Variants in UHRF2 observed in about 807,000 individuals in gnomAD.
The protein encoded by UHRF2 is ubiquitin like with PHD and ring finger domains 2.
A neutral mutation model predicts 96.8 loss-of-function variants in UHRF2; 23 were observed. That is an observed-to-expected ratio of 0.24 (90% CI 0.17 to 0.34). The LOEUF is 0.34. UHRF2 is among the 10% of genes least tolerant of loss of function. The pLI is 1.00. For missense variants in UHRF2, 685 were observed against 981.5 expected, an observed-to-expected ratio of 0.70 and a Z score of 4.04; for synonymous variants, 385 against 332.6, an observed-to-expected ratio of 1.16 and a Z score of -1.72.
intron 3 of UHRF2, among the ~76,000 whole-genome samples, chr9:6,438,768 C>G (rs1820996005): frequency 6.6e-6 from 1 of 152,172 alleles, no homozygotes; most frequent in Admixed American, 6.5e-5. Flanking sequence ...ACCAGATTAT[C>G]AGTCTTTGAA....
chr9:6,430,346 G>A lies in UHRF2; in HGVS notation c.385-3568G>A, dbSNP rs540175057. ...TATATCTTTGATGTGAATGAATGCA[G>A]CTCTTAAGTGTAGAATTATGTGGTT... On this transcript the variant is annotated intron_variant, in intron 2 of 15. Transcript: ENST00000276893. Among the ~76,000 whole-genome samples, 7 of 152,272 alleles carry A rather than the reference G, an allele frequency of 4.6e-5. No individual in the cohort carries two copies. The East Asian group carries it at 1.3e-3, about 29-fold the overall frequency.
chr9:6,425,247 C>G (rs1403649277), intron 2 of UHRF2, among the ~76,000 whole-genome samples: 1 of 152,190 alleles, frequency 6.6e-6, no homozygotes, highest in Non-Finnish European at 1.5e-5. Flanking sequence ...TCAGTATGAA[C>G]TCATGATCAA....
At position 6,506,232 on chromosome 9, in the gene UHRF2, C is replaced by G. The variant is rs1383894020; in HGVS notation, c.*53C>G. 36 of 1,599,830 alleles carry G rather than the reference C, an allele frequency of 2.3e-5. No homozygotes were observed. Among genetic ancestry groups the G allele is most frequent in the Admixed American group, 3.4e-5 (2 of 58,864 alleles). On this transcript the variant is annotated 3_prime_UTR_variant, in exon 16 of 16. Coordinates refer to ENST00000276893, the MANE Select transcript of UHRF2 (RefSeq NM_152896.3). Reference sequence around the variant, plus strand: ...GGTGGCTTTTTGGACAATAAAGAATCTAAAATGGGTGGGGAGGGTGGAAGA... The same window carrying G: ...GGTGGCTTTTTGGACAATAAAGAATGTAAAATGGGTGGGGAGGGTGGAAGA...
chr9:6,482,831 C>T (rs1479495993), intron 8 of UHRF2, among the ~76,000 whole-genome samples: 2 of 152,170 alleles, frequency 1.3e-5, no homozygotes, highest in Admixed American at 6.5e-5. Context: ...CTCCTAACCT[C>T]GTGATCCACC....
intron 4 of UHRF2, among the ~76,000 whole-genome samples, chr9:6,470,082 C>T (rs1823149686): frequency 6.6e-6 from 1 of 152,098 alleles, no homozygotes; most frequent in Non-Finnish European, 1.5e-5. Context: ...AATTTAAAAA[C>T]ATTCCCAGCT....
In UHRF2 at chr9:6,421,008, T is replaced by G; in HGVS notation, c.250T>G (p.Ser84Ala). 1 of 1,614,164 alleles carries G rather than the reference T, an allele frequency of 6.2e-7. No individual in the cohort carries two copies. Among genetic ancestry groups the G allele is most frequent in the Non-Finnish European group, 8.5e-7 (1 of 1,180,018 alleles). ...RPDPDHLPGT[S>A]TQIEAKPCSN... is the part of the protein sequence containing the mutation. ...AGACCCTGATCATCTTCCTGGCACA[T>G]CTACACAGATTGAGGCTAAACCCTG... The change falls in exon 2 of 16, where the codon TCT becomes GCT. Residue 84 changes from serine to alanine, a missense_variant. Ser to Ala is a moderately conservative substitution (Grantham distance 99). This residue lies in a region of UHRF2 where 391 missense variants were observed against 437.0 expected (regional missense o/e 0.89). Transcript: ENST00000276893.
Position 6,428,533 on chromosome 9 carries a change from C to CTTTTTTTTTTT in UHRF2, c.385-5353_385-5343dup, listed in dbSNP as rs1171172143. Among the ~76,000 whole-genome samples the CTTTTTTTTTTT allele has an allele frequency of 5.5e-4, 36 of 65,420 alleles. 2 individuals are homozygous for CTTTTTTTTTTT. The highest frequency in any genetic ancestry group is 1.8e-3 in the East Asian group (3 of 1,670). The allele number at this position is 65,420 out of a possible 152,430, so 42.9% of individuals were successfully genotyped here. On this transcript the variant is annotated intron_variant, in intron 2 of 15. Transcript: ENST00000276893. ...TGTAAATGGAACCATATTGCTTTTG[C>CTTTTTTTTTTT]TTTTTTTTTTTTTTTTTTTTTTTTT...
At chr9:6,415,746 G>A (rs1400703485) in intron 1 of UHRF2, among the ~76,000 whole-genome samples, 1 of 152,128 alleles carries the variant, frequency 6.6e-6, no homozygotes, top group African/African-American at 2.4e-5. Context: ...TATCAGAATC[G>A]CTTGTGGATA....
rs1226013744 is a variant in UHRF2, at chr9:6,499,830, A to T, written c.1909-5A>T. 4 of 1,471,612 alleles carry T rather than the reference A, an allele frequency of 2.7e-6. No homozygotes were observed. In the African/African-American group the frequency reaches 4.6e-5, roughly 17 times the overall value. The allele number at this position is 1,471,612 out of a possible 1,614,324, so 91.2% of individuals were successfully genotyped here. A position where few individuals can be genotyped will look rare whatever the true frequency, so the allele number is the denominator to read the frequency against. ...ATTGTACTCTCCCTCCTCCCCCCCC[A>T]TCAGTATCCAGCAGGTTACCCTTCA... On this transcript the variant is annotated splice_region_variant and splice_polypyrimidine_tract_variant and intron_variant, in intron 12 of 15. Coordinates refer to ENST00000276893, the MANE Select transcript of UHRF2 (RefSeq NM_152896.3).
chr9:6,486,271 C>G (rs1253520646), intron 8 of UHRF2, among the ~76,000 whole-genome samples: 1 of 152,194 alleles, frequency 6.6e-6, no homozygotes, highest in Non-Finnish European at 1.5e-5. Flanking sequence ...ATGACTCAAA[C>G]TACGATTGAA....
rs1171172143 is a variant in UHRF2 at position 6,428,533 on chromosome 9, C to CTTTTTTTTTTTTTTTTTTTTTTTTT, written c.385-5367_385-5343dup. The stretch of plus-strand genomic sequence containing the variant: ...TGTAAATGGAACCATATTGCTTTTG[C>CTTTTTTTTTTTTTTTTTTTTTTTTT]TTTTTTTTTTTTTTTTTTTTTTTTT... On this transcript the variant is annotated intron_variant, in intron 2 of 15. Transcript: ENST00000276893. 2.8e-4 allele frequency among the ~76,000 whole-genome samples: 18 copies of CTTTTTTTTTTTTTTTTTTTTTTTTT among 65,420 alleles called. 3 individuals are homozygous for CTTTTTTTTTTTTTTTTTTTTTTTTT. The highest frequency in any genetic ancestry group is 4.0e-4 in the African/African-American group (6 of 15,002). 42.9% of individuals were successfully genotyped at this position (65,420 alleles called of 152,430 possible). A position where few individuals can be genotyped will look rare whatever the true frequency, so the allele number is the denominator to read the frequency against.
intron 11 of UHRF2, among the ~76,000 whole-genome samples, chr9:6,497,659 A>G (rs989388311): frequency 1.3e-5 from 2 of 151,968 alleles, no homozygotes; most frequent in African/African-American, 2.4e-5. Flanking sequence ...TGATTTTTAT[A>G]TATCTTTTTG....
At chr9:6,459,291 A>G (rs1277826622) in intron 3 of UHRF2, among the ~76,000 whole-genome samples, 1 of 152,224 alleles carries the variant, frequency 6.6e-6, no homozygotes, top group Non-Finnish European at 1.5e-5. Context: ...TGCCAGGTTC[A>G]TGTTCTTATA....
chr9:6,418,259 C>CT (rs200084021), intron 1 of UHRF2, among the ~76,000 whole-genome samples: 1,416 of 124,852 alleles, frequency 0.011, 10 homozygotes, highest in South Asian at 0.045. Context: ...GAGGATGTTC[C>CT]TTTTTTTTTT....
chr9:6,449,952 G>A (rs1587811263), intron 3 of UHRF2, among the ~76,000 whole-genome samples: 1 of 152,232 alleles, frequency 6.6e-6, no homozygotes, highest in East Asian at 1.9e-4. Flanking sequence ...CACCTCATGT[G>A]CCTTTTCCCT....
chr9:6,427,415 A>G (rs929823491), intron 2 of UHRF2, among the ~76,000 whole-genome samples: 2 of 152,178 alleles, frequency 1.3e-5, no homozygotes, highest in African/African-American at 4.8e-5. Context: ...GGCCAGGCAC[A>G]GTGGCTCACA....
chr9:6,422,608 C>A, intron 2 of UHRF2: 1 of 622,700 alleles, frequency 1.6e-6, no homozygotes, highest in South Asian at 1.9e-5. Context: ...TCTCCATTAA[C>A]TTAGATCTTT....
intron 5 of UHRF2, 128 bp from the exon 6 acceptor site, chr9:6,477,494 C>G (rs1587850806): frequency 1.2e-6 from 1 of 849,390 alleles, no homozygotes; most frequent in East Asian, 2.8e-5. Context: ...CCATTGCACT[C>G]CAGCCTGGGT....
intron 10 of UHRF2, 176 bp downstream of exon 10, chr9:6,494,108 C>A (rs1223774119): frequency 1.1e-5 from 6 of 539,406 alleles, no homozygotes; most frequent in Admixed American, 3.5e-5. Context: ...TATCTTTATA[C>A]TGTTATTTTT....
Sources: gnomAD v4.1 joint callset for allele counts (sites outside exome capture counted in the v4.1 genomes callset) on GRCh38, gnomAD v4.1.1 for gene constraint, gnomAD v4.1.1 regional missense constraint, MANE v1.5 for transcripts, NCBI Gene and HGNC (gene_info 2026-07-23, HGNC 2026-07-21) for gene names.